The following OTOA variants were observed in gnomAD, a reference collection of about 807,000 sequenced individuals.
The protein encoded by OTOA is otoancorin.
A neutral mutation model predicts 110.8 loss-of-function variants in OTOA; 70 were observed. That is an observed-to-expected ratio of 0.63 (90% confidence interval 0.52 to 0.77). The LOEUF (loss-of-function observed/expected upper bound fraction) is 0.77. Ranked by LOEUF, OTOA falls within the 30% of genes least tolerant of loss-of-function variation. OTOA has a pLI of 0.00. For synonymous variants in OTOA, 373 were observed against 431.5 expected (o/e 0.86, Z 1.68); for missense variants, 917 against 1,075.8 (o/e 0.85, Z 2.06).
intron 18 of OTOA, among the ~76,000 whole-genome samples, chr16:21,724,988 G>T (rs1312403016): frequency 6.6e-6 from 1 of 152,010 alleles, no homozygotes; most frequent in Non-Finnish European, 1.5e-5. Flanking sequence ...GTGATGGCCA[G>T]GCTGGTCTCA....
Position 21,679,210 on chromosome 16 carries a change from AG to A in OTOA, c.179+1del. ...NALLDLIQFQ[S>X]SHVWTDDLSH... is the part of the protein sequence containing the mutation. ...ACTGCTGGATCTCATACAGTTTCAA[AG>A]GTAAAATGCCCTAGAGGAGAGGGGA... On this transcript the variant is annotated frameshift_variant and splice_region_variant, in exon 5 of 29. Transcript: ENST00000646100. LOFTEE classifies it high-confidence loss of function. The A allele has an allele frequency of 1.2e-6, 2 of 1,613,444 alleles. No individual in the cohort carries two copies. Among genetic ancestry groups the A allele is most frequent in the Non-Finnish European group, 8.5e-7 (1 of 1,179,832 alleles).
intron 5 of OTOA, among the ~76,000 whole-genome samples, chr16:21,679,510 T>G (rs1464708434): frequency 1.3e-5 from 2 of 152,036 alleles, no homozygotes; most frequent in Non-Finnish European, 2.9e-5. Flanking sequence ...GTTCAAGCAA[T>G]TTTCCTGCCT....
intron 1 of OTOA, among the ~76,000 whole-genome samples, chr16:21,674,331 G>A (rs1212029719): frequency 6.6e-5 from 10 of 151,966 alleles, no homozygotes; most frequent in African/African-American, 2.2e-4. Context: ...TTATTTTTGA[G>A]TTGAAGTCTC....
At chr16:21,674,887 T>G in intron 1 of OTOA, among the ~76,000 whole-genome samples, 1 of 144,964 alleles carries the variant, frequency 6.9e-6, no homozygotes, top group Admixed American at 7.2e-5. Context: ...CTGGATTTTT[T>G]TTAAAAATCT....
At chr16:21,756,415 C>G (rs1899987165) in intron 27 of OTOA, among the ~76,000 whole-genome samples, 2 of 152,072 alleles carry the variant, frequency 1.3e-5, no homozygotes, top group African/African-American at 4.8e-5. Context: ...GATGAGTTCT[C>G]TATGCCGTCT....
intron 10 of OTOA, among the ~76,000 whole-genome samples, chr16:21,698,134 C>A (rs1009975987): frequency 6.6e-6 from 1 of 152,058 alleles, no homozygotes; most frequent in Non-Finnish European, 1.5e-5. Context: ...CTGATGTGAG[C>A]AAACATGATT....
intron 8 of OTOA, among the ~76,000 whole-genome samples, chr16:21,689,928 C>T (rs572019314): frequency 2.1e-4 from 32 of 152,152 alleles, no homozygotes; most frequent in African/African-American, 3.4e-4. Context: ...TCAGGTGATC[C>T]GCCTGCCTTG....
chr16:21,708,794 A>G (rs1199556171), intron 12 of OTOA, among the ~76,000 whole-genome samples: 1 of 152,194 alleles, frequency 6.6e-6, no homozygotes, highest in Non-Finnish European at 1.5e-5. Context: ...GTGTTAAAAT[A>G]TGAACCATTC....
chr16:21,722,128 G>T (rs952093662), intron 17 of OTOA, among the ~76,000 whole-genome samples: 1 of 150,918 alleles, frequency 6.6e-6, no homozygotes, highest in Non-Finnish European at 1.5e-5. Flanking sequence ...CGTGCATGGT[G>T]GGGGGTGCCT....
intron 22 of OTOA, among the ~76,000 whole-genome samples, chr16:21,738,374 C>G (rs1437808545): frequency 8.6e-6 from 1 of 116,512 alleles, no homozygotes; most frequent in East Asian, 2.3e-4. Flanking sequence ...CGTGTGACAT[C>G]GAGCAAAGAA....
chr16:21,684,534 A>G, intron 6 of OTOA: 1 of 1,550,714 alleles, frequency 6.4e-7, no homozygotes, highest in Non-Finnish European at 8.7e-7. Flanking sequence ...TGGGAAACTC[A>G]ATCACCTACA....
chr16:21,736,749 T>G (rs1899314495), intron 22 of OTOA, among the ~76,000 whole-genome samples: 1 of 152,174 alleles, frequency 6.6e-6, no homozygotes, highest in South Asian at 2.1e-4. Context: ...GAGGATTGCT[T>G]GAACCCAGGA....
At chr16:21,707,594 TTTC>T (rs2141684013) in intron 12 of OTOA, among the ~76,000 whole-genome samples, 1 of 12,548 alleles carries the variant, frequency 8.0e-5, no homozygotes, top group East Asian at 3.0e-3. Context: ...TCTCCTTCCT[TTTC>T]TTTCTTTCTT....
chr16:21,678,631 T>TAA (rs1351816895), intron 2 of OTOA, 26 bp downstream of exon 2: 1 of 1,592,870 alleles, frequency 6.3e-7, no homozygotes, highest in Non-Finnish European at 8.6e-7. Flanking sequence ...AGAATCACCC[T>TAA]TTGTGGTTTC....
intron 10 of OTOA, among the ~76,000 whole-genome samples, chr16:21,699,701 G>A (rs1178960005): frequency 6.6e-6 from 1 of 151,902 alleles, no homozygotes; most frequent in African/African-American, 2.4e-5. Flanking sequence ...GGTGGATCAT[G>A]TGAGGTCAGG....
chr16:21,685,432 T>C, intron 7 of OTOA, 71 bp downstream of exon 7: 6 of 1,588,316 alleles, frequency 3.8e-6, no homozygotes, highest in Non-Finnish European at 5.1e-6. Context: ...ATTGAATAAA[T>C]GGAGCCTGAC....
intron 9 of OTOA, among the ~76,000 whole-genome samples, chr16:21,695,230 C>T (rs1022774729): frequency 1.4e-5 from 2 of 146,926 alleles, no homozygotes; most frequent in African/African-American, 5.0e-5. Flanking sequence ...TGAGACCCCC[C>T]CCCCCCATAC....
chr16:21,692,345 G>A (rs1388327409), intron 9 of OTOA, among the ~76,000 whole-genome samples: 1 of 151,804 alleles, frequency 6.6e-6, no homozygotes, highest in Non-Finnish European at 1.5e-5. Context: ...AAAAAAGAGA[G>A]AGAGACAGAA....
At chr16:21,667,351 T>C (rs1015311119) in intron 1 of OTOA, among the ~76,000 whole-genome samples, 1 of 152,178 alleles carries the variant, frequency 6.6e-6, no homozygotes, top group African/African-American at 2.4e-5. Flanking sequence ...GGGAAATCTG[T>C]ATTAAAGAAT....
Sources: allele counts gnomAD v4.1 joint callset (sites outside exome capture counted in the v4.1 genomes callset), GRCh38; gene constraint gnomAD v4.1.1; transcripts MANE v1.5; gene names NCBI Gene and HGNC (gene_info 2026-07-23, HGNC 2026-07-21).